WDR35: variants seen among roughly 807,000 people sequenced by gnomAD.
WDR35 encodes the protein WD repeat domain 35.
Under a neutral mutation model 158.3 loss-of-function variants are expected in WDR35, and 118 were observed. The observed-to-expected ratio is 0.75, with a 90% CI of 0.64 to 0.87. The LOEUF is 0.87. Among genes scored for constraint, WDR35 ranks in the 40% least tolerant of loss-of-function variants. The pLI is 0.00. For synonymous variants in WDR35, 448 were observed against 476.1 expected (o/e 0.94, Z 0.77); for missense variants, 1,263 against 1,405.8 (o/e 0.90, Z 1.62).
At chr2:19,915,824 T>C (rs1233000767) in intron 25 of WDR35, among the ~76,000 whole-genome samples, 2 of 151,254 alleles carry the variant, frequency 1.3e-5, no homozygotes, top group African/African-American at 4.9e-5. Context: ...TTCTCACTCA[T>C]ATGTGAGATC....
rs1671764261 is a variant in WDR35 at position 19,964,302 on chromosome 2, T to G, written c.1194+2422A>C. Among the ~76,000 whole-genome samples, 3 of 152,272 alleles carry G rather than the reference T, an allele frequency of 2.0e-5. 1 individual carries two copies. The highest frequency in any genetic ancestry group is 4.1e-4 in the South Asian group (2 of 4,828). On this transcript the variant is annotated intron_variant, in intron 10 of 26. Transcript: ENST00000281405. ...CGTCAAGGAAAATTTTCTTGAATTT[T>G]TTTTTCATACTTACTGCCCTGTATT...
Position 19,962,329 on chromosome 2 carries a change from T to A in WDR35, c.1195-1715A>T. The A allele has an allele frequency of 6.2e-7, 1 of 1,612,920 alleles. No individual in the cohort carries two copies. Among genetic ancestry groups the A allele is most frequent in the African/African-American group, 1.3e-5 (1 of 75,030 alleles). ...AAATGTCTCCATCTCGTTCTCCTCC[T>A]TTGAAGCAATATATAAATGACAGGA... On this transcript the variant is annotated intron_variant, in intron 10 of 26. Coordinates refer to ENST00000281405, the MANE Select transcript of WDR35 (RefSeq NM_020779.4).
intron 11 of WDR35, among the ~76,000 whole-genome samples, chr2:19,956,750 A>G (rs1316434398): frequency 1.3e-5 from 2 of 149,816 alleles, no homozygotes; most frequent in East Asian, 2.0e-4. Flanking sequence ...CCTCCAGTGT[A>G]GCTGGGACTA....
chr2:19,979,412 A>G (rs1672313880), intron 4 of WDR35, among the ~76,000 whole-genome samples: 1 of 152,226 alleles, frequency 6.6e-6, no homozygotes, highest in African/African-American at 2.4e-5. Context: ...GTAAAACCCT[A>G]AGCCTGCTTG....
intron 25 of WDR35, among the ~76,000 whole-genome samples, chr2:19,925,702 G>T (rs1214450441): frequency 6.6e-6 from 1 of 152,130 alleles, no homozygotes; most frequent in Non-Finnish European, 1.5e-5. Context: ...AATTTATGGG[G>T]GAGAGATTTA....
chr2:19,966,972 G>T, intron 9 of WDR35, 63 bp from the exon 10 acceptor site: 1 of 1,516,144 alleles, frequency 6.6e-7, no homozygotes. Flanking sequence ...TTTAGTATTG[G>T]GAAGGCAAAT....
chr2:19,954,641 G>A (rs1671364615), intron 11 of WDR35, among the ~76,000 whole-genome samples: 1 of 152,124 alleles, frequency 6.6e-6, no homozygotes. Context: ...CACCCACTAG[G>A]ATGGCTAGAA....
intron 22 of WDR35, 90 bp from the exon 23 acceptor site, chr2:19,932,537 A>G: frequency 4.6e-6 from 7 of 1,508,980 alleles, no homozygotes; most frequent in Non-Finnish European, 6.4e-6. Context: ...AGTTTATAGT[A>G]AAAACACTAT....
chr2:19,921,779 G>A (rs1670175312), intron 25 of WDR35, among the ~76,000 whole-genome samples: 1 of 152,180 alleles, frequency 6.6e-6, no homozygotes, highest in Non-Finnish European at 1.5e-5. Flanking sequence ...ACTATCAACA[G>A]AGTGAACTGG....
chr2:19,973,812 T>G lies in WDR35; in HGVS notation c.737-104A>C, dbSNP rs146308888. The G allele has an allele frequency of 2.4e-3, 3,509 of 1,492,892 alleles. 67 individuals carry two copies. In the African/African-American group the frequency reaches 0.041, roughly 17 times the overall value. The allele number at this position is 1,492,892 out of a possible 1,614,324, so 92.5% of individuals were successfully genotyped here. A position where few individuals can be genotyped will look rare whatever the true frequency, so the allele number is the denominator to read the frequency against. On this transcript the variant is annotated intron_variant, in intron 7 of 26. Coordinates refer to ENST00000281405, the MANE Select transcript of WDR35 (RefSeq NM_020779.4). ...TAAACATTTTTAAAACTTTCCACAT[T>G]TTTAAAAAAACAGGGCTGGGTACAA...
Position 19,945,998 on chromosome 2 carries a change from TAAAAACAATGCAATTAGAGAAA to T in WDR35, c.1635-24_1635-3del. On this transcript the variant is annotated splice_region_variant and splice_polypyrimidine_tract_variant and intron_variant, in intron 15 of 26. Coordinates refer to ENST00000281405, the MANE Select transcript of WDR35 (RefSeq NM_020779.4). ...GAGATGTCTATGATAGCAAGACGGC[TAAAAACAATGCAATTAGAGAAA>T]AGGAAAAAACTATAAAATTACTATC... 6.2e-7 allele frequency: 1 copy of T among 1,613,430 alleles called. No homozygotes were observed. Among genetic ancestry groups the T allele is most frequent in the South Asian group, 1.1e-5 (1 of 90,988 alleles).
At chr2:19,961,467 G>T (rs558009826) in intron 10 of WDR35, among the ~76,000 whole-genome samples, 1 of 152,148 alleles carries the variant, frequency 6.6e-6, no homozygotes, top group African/African-American at 2.4e-5. Context: ...TGCCAAATCC[G>T]TTGCACCCAG....
intron 7 of WDR35, among the ~76,000 whole-genome samples, chr2:19,973,944 C>T (rs556956471): frequency 3.6e-4 from 54 of 151,374 alleles, no homozygotes; most frequent in Non-Finnish European, 7.2e-4. Flanking sequence ...CCTGTCTCTA[C>T]GAAAAATACA....
intron 1 of WDR35, 60 bp downstream of exon 1, chr2:19,989,932 G>A (rs1572376206): frequency 6.2e-7 from 1 of 1,608,132 alleles, no homozygotes; most frequent in Non-Finnish European, 8.5e-7. Context: ...GGAAGGCAGC[G>A]GGAATCGCCG....
In WDR35 at chr2:19,948,141, A is replaced by G. The variant is rs762398298; in HGVS notation, c.1524+23T>C. The stretch of plus-strand genomic sequence containing the variant: ...ATAATTTAAAGAATTATTATTCATA[A>G]AATAAGTTTTTGCAAAACTTACCAC... On this transcript the variant is annotated intron_variant, in intron 14 of 26. Transcript: ENST00000281405. 2.5e-6 allele frequency: 4 copies of G among 1,582,002 alleles called. No individual in the cohort carries two copies. The South Asian group carries it at 4.6e-5, about 18-fold the overall frequency.
chr2:19,981,361 A>G (rs1309288653), intron 3 of WDR35, among the ~76,000 whole-genome samples: 2 of 152,216 alleles, frequency 1.3e-5, no homozygotes, highest in African/African-American at 2.4e-5. Context: ...ATTACAAATT[A>G]GGAAGTTTAA....
Position 19,913,414 on chromosome 2 carries a change from T to C in WDR35, c.*144A>G, listed in dbSNP as rs1371894911. The C allele has an allele frequency of 5.0e-6, 5 of 1,000,484 alleles. No individual in the cohort carries two copies. The highest frequency in any genetic ancestry group is 2.7e-5 in the East Asian group (1 of 37,552). The allele number at this position is 1,000,484 out of a possible 1,614,324, so 62.0% of individuals were successfully genotyped here. ...TGCCATAAAAATTATTTTATTAACA[T>C]ATATTTTGTGCAAAAATTCAACTAT... is the stretch of plus-strand genomic sequence containing the variant. On this transcript the variant is annotated 3_prime_UTR_variant, in exon 27 of 27. Transcript: ENST00000281405.
At chr2:19,973,460 G>T in intron 8 of WDR35, 103 bp downstream of exon 8, 1 of 1,442,092 alleles carries the variant, frequency 6.9e-7, no homozygotes, top group Non-Finnish European at 9.5e-7. Context: ...GTCCCTAAAA[G>T]AAAATGTGAT....
chr2:19,919,721 A>G (rs1329472424), intron 25 of WDR35, among the ~76,000 whole-genome samples: 1 of 152,204 alleles, frequency 6.6e-6, no homozygotes, highest in African/African-American at 2.4e-5. Context: ...AGAAGACAAC[A>G]AATAACTAAG....
Sources: allele counts gnomAD v4.1 joint callset (sites outside exome capture counted in the v4.1 genomes callset), GRCh38; gene constraint gnomAD v4.1.1; transcripts MANE v1.5; gene names NCBI Gene and HGNC (gene_info 2026-07-23, HGNC 2026-07-21).